Variants in UPF3A observed in about 807,000 individuals in gnomAD.
The protein encoded by UPF3A is UPF3A regulator of nonsense mediated mRNA decay, also known as regulator of nonsense transcripts 3A.
Under a neutral mutation model 53.5 loss-of-function variants are expected in UPF3A, and 42 were observed. The observed-to-expected ratio is 0.78, with a 90% confidence interval of 0.61 to 1.01. UPF3A has a LOEUF of 1.01. UPF3A is among the 50% of genes least tolerant of loss of function. The pLI is 0.00. For synonymous variants in UPF3A, 237 were observed against 225.3 expected, an observed-to-expected ratio of 1.05 and a Z score of -0.47; for missense variants, 575 against 598.0, an observed-to-expected ratio of 0.96 and a Z score of 0.40.
At position 114,281,619 on chromosome 13, in the gene UPF3A, C is replaced by T. The variant is rs1199023919; in HGVS notation, c.-21C>T. ...AGGTTTCGTCGGGGGCTGGCGGCTG[C>T]GGCTCGGCGGAGAGTGCGGCATGCG... is the stretch of plus-strand genomic sequence containing the variant. On this transcript the variant is annotated 5_prime_UTR_variant, in exon 1 of 10. Coordinates refer to ENST00000375299, the MANE Select transcript of UPF3A (RefSeq NM_023011.4). The T allele has an allele frequency of 9.2e-6, 13 of 1,406,356 alleles. 1 individual carries two copies. In the South Asian group the frequency reaches 1.2e-4, roughly 13 times the overall value. The allele number at this position is 1,406,356 out of a possible 1,614,324, so 87.1% of individuals were successfully genotyped here.
chr13:114,297,394 T>C (rs967930190), intron 7 of UPF3A, among the ~76,000 whole-genome samples: 17 of 152,206 alleles, frequency 1.1e-4, no homozygotes, highest in Non-Finnish European at 2.4e-4. Context: ...TTGAAAACTA[T>C]AAACTATTCT....
At chr13:114,284,861 C>T (rs2084514784) in intron 3 of UPF3A, among the ~76,000 whole-genome samples, 1 of 152,196 alleles carries the variant, frequency 6.6e-6, no homozygotes, top group South Asian at 2.1e-4. Context: ...CTATGTTGCC[C>T]AGGCTGGTGT....
chr13:114,284,405 T>C (rs886781826), intron 3 of UPF3A, among the ~76,000 whole-genome samples: 5 of 150,638 alleles, frequency 3.3e-5, no homozygotes, highest in African/African-American at 1.2e-4. Context: ...GTGTAAAATA[T>C]GTGTAACATG....
At chr13:114,286,793 C>A in intron 5 of UPF3A, 164 bp downstream of exon 5, 1 of 620,504 alleles carries the variant, frequency 1.6e-6, no homozygotes, top group Non-Finnish European at 2.8e-6. Flanking sequence ...GGCAAGATGG[C>A]AGCATGGGAA....
At chr13:114,298,740 T>G in intron 7 of UPF3A, 100 bp from the exon 8 acceptor site, 1 of 1,195,642 alleles carries the variant, frequency 8.4e-7, no homozygotes, top group Non-Finnish European at 1.1e-6. Flanking sequence ...TGTGCAAACA[T>G]TTGGCTTCAA....
intron 7 of UPF3A, among the ~76,000 whole-genome samples, chr13:114,297,499 TGAAAG>T (rs2086163311): frequency 1.3e-5 from 2 of 152,166 alleles, no homozygotes; most frequent in African/African-American, 4.8e-5. Context: ...ACCCTATAGA[TGAAAG>T]GAAATAAAGT....
intron 8 of UPF3A, among the ~76,000 whole-genome samples, chr13:114,299,659 G>T (rs1355172080): frequency 6.6e-6 from 1 of 152,224 alleles, no homozygotes; most frequent in Admixed American, 6.5e-5. Context: ...TCTGCCCGGT[G>T]GGCCAGAGAG....
rs1426704438 is a variant in UPF3A at position 114,301,998 on chromosome 13, A to G, written c.1275A>G (p.Ala425=). Residue 425 remains alanine, a synonymous_variant, in exon 9 of 10, where the codon GCA becomes GCG. Coordinates refer to ENST00000375299, the MANE Select transcript of UPF3A (RefSeq NM_023011.4). ...CGCAGAGGTGTGACGACAGTCCAGC[A>G]CCCAGAAAAGAGCGACTGGCAAACA... ...GRAQRCDDSP[A]PRKERLANKD... is the part of the protein sequence containing the mutation. 1 of 1,538,110 alleles carries G rather than the reference A, an allele frequency of 6.5e-7. No homozygotes were observed. Among genetic ancestry groups the G allele is most frequent in the East Asian group, 2.3e-5 (1 of 43,712 alleles).
intron 7 of UPF3A, among the ~76,000 whole-genome samples, chr13:114,295,361 GCGGC>G (rs2085808911): frequency 7.7e-6 from 1 of 130,394 alleles, no homozygotes; most frequent in Non-Finnish European, 1.7e-5. Context: ...CTCGTCTCCA[GCGGC>G]TCTGGCGTGC....
chr13:114,305,662 T>C lies in UPF3A; in HGVS notation c.*745T>C, dbSNP rs963643895. Reference sequence around the variant, plus strand: ...AGCATACAGAGCCTGTTTTTGAGTTTTAGATACTTTATTTGTAAATAACTT... The same window carrying C: ...AGCATACAGAGCCTGTTTTTGAGTTCTAGATACTTTATTTGTAAATAACTT... On this transcript the variant is annotated 3_prime_UTR_variant, in exon 10 of 10. Transcript: ENST00000375299. The C allele has an allele frequency of 2.6e-5, 4 of 152,282 alleles. No individual in the cohort carries two copies. The highest frequency in any genetic ancestry group is 9.7e-5 in the African/African-American group (4 of 41,448). 9.4% of individuals were successfully genotyped at this position (152,282 alleles called of 1,614,324 possible).
chr13:114,282,406 G>A, intron 2 of UPF3A: 1 of 1,215,152 alleles, frequency 8.2e-7, no homozygotes, highest in Admixed American at 4.4e-5. Context: ...TTGCCCGCCC[G>A]GCGCCTCCCG....
At chr13:114,301,631 G>T (rs541838468) in intron 8 of UPF3A, 100 bp from the exon 9 acceptor site, 462 of 1,247,596 alleles carry the variant, frequency 3.7e-4, no homozygotes, top group Non-Finnish European at 5.0e-4. Context: ...TGAGCACTTC[G>T]CATGGGTCCC....
At chr13:114,286,453 G>A in intron 4 of UPF3A, 53 bp downstream of exon 4, 1 of 1,612,102 alleles carries the variant, frequency 6.2e-7, no homozygotes, top group Non-Finnish European at 8.5e-7. Flanking sequence ...AGAACACTGA[G>A]CAAATGTAAT....
Position 114,291,714 on chromosome 13 carries a change from A to T in UPF3A, c.768A>T (p.Arg256Ser), listed in dbSNP as rs1773254922. ...GTTTGCGGGAAGAGGAAAAAAGAAGAAGAAGAGAAGAAGAAAGATGCAAAA... is the reference window on the plus strand; with the variant it reads ...GTTTGCGGGAAGAGGAAAAAAGAAGTAGAAGAGAAGAAGAAAGATGCAAAA... ...KKRLREEEKR[R>S]RREEERCKKK... Residue 256 changes from arginine to serine, a missense_variant, in exon 7 of 10, where the codon AGA becomes AGT. Transcript: ENST00000375299. 6.2e-7 allele frequency: 1 copy of T among 1,600,842 alleles called. No homozygotes were observed. Among genetic ancestry groups the T allele is most frequent in the Non-Finnish European group, 8.5e-7 (1 of 1,170,676 alleles).
intron 7 of UPF3A, among the ~76,000 whole-genome samples, chr13:114,295,107 G>C (rs138123501): frequency 1.1e-3 from 154 of 134,574 alleles, no homozygotes; most frequent in African/African-American, 4.4e-3. Context: ...GCAAGACTCC[G>C]TCTCAAAAAA....
Position 114,292,330 on chromosome 13 carries a change from T to G in UPF3A, c.846+538T>G, listed in dbSNP as rs534837500. On this transcript the variant is annotated intron_variant, in intron 7 of 9. Transcript: ENST00000375299. ...GACTCAAGGCGTACACGTGCAGATG[T>G]GTCACATGTTCATTTTCGGCTCAAG... Among the ~76,000 whole-genome samples, 5 of 151,124 alleles carry G rather than the reference T, an allele frequency of 3.3e-5. No homozygotes were observed. In the East Asian group the frequency reaches 9.8e-4, roughly 30 times the overall value.
Position 114,291,707 on chromosome 13 carries a change from A to AAAG in UPF3A, c.772_774dup (p.Arg258dup), listed in dbSNP as rs549638820. 3.7e-6 allele frequency: 6 copies of AAAG among 1,603,534 alleles called. No individual in the cohort carries two copies. The East Asian group carries it at 6.7e-5, about 18-fold the overall frequency. ...AAGAAACGTTTGCGGGAAGAGGAAAAAAGAAGAAGAAGAGAAGAAGAAAGA... is the reference window on the plus strand; with the variant it reads ...AAGAAACGTTTGCGGGAAGAGGAAAAAAGAAGAAGAAGAAGAGAAGAAGAAAGA... On this transcript the variant is annotated inframe_insertion, in exon 7 of 10. Coordinates refer to ENST00000375299, the MANE Select transcript of UPF3A (RefSeq NM_023011.4).
intron 7 of UPF3A, among the ~76,000 whole-genome samples, chr13:114,296,948 A>G (rs1482872847): frequency 2.0e-5 from 3 of 152,228 alleles, no homozygotes; most frequent in Admixed American, 6.5e-5. Flanking sequence ...CAATTTTTAT[A>G]AAAGATGGGC....
intron 9 of UPF3A, among the ~76,000 whole-genome samples, chr13:114,302,570 C>G (rs1054210872): frequency 2.0e-5 from 3 of 152,206 alleles, no homozygotes; most frequent in Admixed American, 6.5e-5. Context: ...AGGCCCCACC[C>G]TGGCCTCCTA....
Sources: allele counts gnomAD v4.1 joint callset (sites outside exome capture counted in the v4.1 genomes callset), GRCh38; gene constraint gnomAD v4.1.1; transcripts MANE v1.5; gene names NCBI Gene and HGNC (gene_info 2026-07-23, HGNC 2026-07-21).